ADAMTS16: variants seen among roughly 807,000 people sequenced by gnomAD.
ADAMTS16 encodes A disintegrin and metalloproteinase with thrombospondin motifs 16.
A neutral mutation model predicts 145.8 loss-of-function variants in ADAMTS16; 94 were observed. The ratio of observed to expected loss-of-function variants is 0.64; its 90% confidence interval spans 0.55 to 0.77. The LOEUF (loss-of-function observed/expected upper bound fraction) is 0.77. ADAMTS16 is among the 30% of genes least tolerant of loss of function. The pLI, the probability that ADAMTS16 is intolerant of heterozygous loss-of-function variation, is 0.00. For missense variants in ADAMTS16, 1,585 were observed against 1,591.5 expected (o/e 1.00, Z 0.07); for synonymous variants, 659 against 604.3 (o/e 1.09, Z -1.33).
rs772834569 is a variant in ADAMTS16 at position 5,209,227 on chromosome 5, G to A, written c.1586G>A (p.Cys529Tyr). ...CAGTTCGGAGAGAAAGCCAAGCTCT[G>A]CATGCTGGACTTTAAAAAGGCAAGT... ...KWQFGEKAKLCMLDFKKDICK... is the reference protein window; with the variant it reads ...KWQFGEKAKLYMLDFKKDICK... The change falls in exon 10 of 23, where the codon TGC becomes TAC. Residue 529 changes from cysteine (C) to tyrosine (Y), a missense_variant. Around this residue, in one of 3 missense-constraint regions of ADAMTS16, gnomAD observed 298 missense variants for 367.6 expected, o/e 0.81. Transcript: ENST00000274181. 13 of 1,613,842 alleles carry A rather than the reference G, an allele frequency of 8.1e-6. No homozygotes were observed. Among genetic ancestry groups the A allele is most frequent in the Non-Finnish European group, 7.6e-6 (9 of 1,179,836 alleles).
Position 5,319,305 on chromosome 5 carries a change from G to GC in ADAMTS16, c.*169dup. 1.6e-6 allele frequency: 1 copy of GC among 612,408 alleles called. No individual in the cohort carries two copies. The highest frequency in any genetic ancestry group is 2.9e-5 in the East Asian group (1 of 35,084). The allele number at this position is 612,408 out of a possible 1,614,324, so 37.9% of individuals were successfully genotyped here. On this transcript the variant is annotated 3_prime_UTR_variant, in exon 23 of 23. Transcript: ENST00000274181. ...AGTGTATGTATGTGTTTCACTGTGA[G>GC]CCTGGGTGCAGACCTGTGTCCCCAT...
intron 3 of ADAMTS16, among the ~76,000 whole-genome samples, chr5:5,165,748 C>T (rs1176365491): frequency 6.6e-6 from 1 of 152,174 alleles, no homozygotes; most frequent in East Asian, 1.9e-4. Flanking sequence ...GGAATGGAGC[C>T]ATGGGGCCGC....
At chr5:5,164,677 CT>C (rs1354871069) in intron 3 of ADAMTS16, among the ~76,000 whole-genome samples, 42 of 152,140 alleles carry the variant, frequency 2.8e-4, no homozygotes, top group African/African-American at 9.6e-4. Flanking sequence ...TTTCTTTTTC[CT>C]TTTTTTCTTT....
Position 5,232,387 on chromosome 5 carries a change from G to A in ADAMTS16, c.1721G>A (p.Cys574Tyr), listed in dbSNP as rs1736956200. The A allele has an allele frequency of 6.2e-7, 1 of 1,614,032 alleles. No individual in the cohort carries two copies. The highest frequency in any genetic ancestry group is 1.1e-5 in the South Asian group (1 of 91,074). Residue 574 changes from cysteine (C) to tyrosine (Y), a missense_variant, in exon 12 of 23, where the codon TGT becomes TAT. This residue lies in a region of ADAMTS16 where 298 missense variants were observed against 367.6 expected (regional missense o/e 0.81). Coordinates refer to ENST00000274181, the MANE Select transcript of ADAMTS16 (RefSeq NM_139056.4). ...TTTTAGTGGTGCCGGGGAGGACAGTGTGTGAAATATGGTGATGAAGGCCCC... is the reference window on the plus strand; with the variant it reads ...TTTTAGTGGTGCCGGGGAGGACAGTATGTGAAATATGGTGATGAAGGCCCC... ...GHDMWCRGGQ[C>Y]VKYGDEGPKP...
intron 3 of ADAMTS16, among the ~76,000 whole-genome samples, chr5:5,173,259 T>A (rs752550603): frequency 6.6e-6 from 1 of 151,998 alleles, no homozygotes; most frequent in African/African-American, 2.4e-5. Context: ...AATTTTATTA[T>A]TGATAAGTAA....
At chr5:5,209,518 A>G (rs1329040222) in intron 10 of ADAMTS16, among the ~76,000 whole-genome samples, 11 of 152,178 alleles carry the variant, frequency 7.2e-5, no homozygotes, top group Admixed American at 7.2e-4. Context: ...GAGCTCAGCA[A>G]TAACTTTTAG....
chr5:5,318,115 G>A lies in ADAMTS16; in HGVS notation c.3412-19G>A. The A allele has an allele frequency of 7.1e-7, 1 of 1,400,564 alleles. No individual in the cohort carries two copies. Among genetic ancestry groups the A allele is most frequent in the South Asian group, 1.7e-5 (1 of 57,188 alleles). The allele number at this position is 1,400,564 out of a possible 1,614,324, so 86.8% of individuals were successfully genotyped here. On this transcript the variant is annotated intron_variant, in intron 21 of 22. Coordinates refer to ENST00000274181, the MANE Select transcript of ADAMTS16 (RefSeq NM_139056.4). ...TGAGAGCCTGGGGCCATGGTGACATGTGTGTGTTGCTCTCACAGTGCACGG... is the reference window on the plus strand; with the variant it reads ...TGAGAGCCTGGGGCCATGGTGACATATGTGTGTTGCTCTCACAGTGCACGG...
chr5:5,218,196 G>T (rs1046131619), intron 10 of ADAMTS16, among the ~76,000 whole-genome samples: 8 of 152,182 alleles, frequency 5.3e-5, no homozygotes, highest in Non-Finnish European at 8.8e-5. Context: ...TTGGTTTTTG[G>T]CTGCTCATTT....
rs71604122 is a variant in ADAMTS16, at chr5:5,265,985, AGTGTGTGTGT to A, written c.2789+3236_2789+3245del. On this transcript the variant is annotated intron_variant, in intron 18 of 22. Transcript: ENST00000274181. ...GAAACCAGTAAATTAGACTTAAAGA[AGTGTGTGTGT>A]GTGTGTGTGTGTGTGTGTGTGTGTG... Among the ~76,000 whole-genome samples, 1,015 of 141,446 alleles carry A rather than the reference AGTGTGTGTGT, an allele frequency of 7.2e-3. 9 individuals are homozygous for A. The highest frequency in any genetic ancestry group is 0.02 in the African/African-American group (780 of 38,432). 92.8% of individuals were successfully genotyped at this position (141,446 alleles called of 152,430 possible).
At chr5:5,273,487 G>T (rs189940707) in intron 18 of ADAMTS16, among the ~76,000 whole-genome samples, 1 of 152,330 alleles carries the variant, frequency 6.6e-6, no homozygotes, top group Admixed American at 6.5e-5. Context: ...CTGCACTCCA[G>T]CCTGGGCCAC....
intron 10 of ADAMTS16, among the ~76,000 whole-genome samples, chr5:5,216,974 T>C (rs1736456620): frequency 6.6e-6 from 1 of 151,922 alleles, no homozygotes; most frequent in Non-Finnish European, 1.5e-5. Flanking sequence ...CCATGGTGTA[T>C]ATGTGCCACA....
At chr5:5,305,316 A>G in intron 20 of ADAMTS16, among the ~76,000 whole-genome samples, 1 of 40,002 alleles carries the variant, frequency 2.5e-5, no homozygotes, top group Admixed American at 2.4e-4. Flanking sequence ...ATCCCACACC[A>G]CACACACACA....
chr5:5,291,970 C>T (rs564557658), intron 18 of ADAMTS16, among the ~76,000 whole-genome samples: 1 of 152,290 alleles, frequency 6.6e-6, no homozygotes, highest in African/African-American at 2.4e-5. Flanking sequence ...TAGTATTTTG[C>T]ATGTGCTCAG....
chr5:5,196,219 C>A (rs1325037959), intron 8 of ADAMTS16, among the ~76,000 whole-genome samples: 2 of 108,964 alleles, frequency 1.8e-5, no homozygotes, highest in African/African-American at 7.6e-5. Context: ...GCCTGGGCAA[C>A]AGAGAGAGCC....
At chr5:5,265,312 G>A (rs1738195278) in intron 18 of ADAMTS16, among the ~76,000 whole-genome samples, 1 of 152,208 alleles carries the variant, frequency 6.6e-6, no homozygotes, top group Admixed American at 6.5e-5. Flanking sequence ...GATCAGCAGA[G>A]GGACTGGGCA....
chr5:5,271,230 C>G (rs1315558594), intron 18 of ADAMTS16, among the ~76,000 whole-genome samples: 1 of 152,238 alleles, frequency 6.6e-6, no homozygotes, highest in Non-Finnish European at 1.5e-5. Flanking sequence ...TCCTAAATCT[C>G]TGCAGGGGGC....
intron 3 of ADAMTS16, among the ~76,000 whole-genome samples, chr5:5,177,630 A>G (rs529545634): frequency 5.3e-5 from 8 of 152,338 alleles, no homozygotes; most frequent in African/African-American, 1.9e-4. Context: ...AGGTTATAAG[A>G]AAATAAAAAG....
At chr5:5,285,384 G>A (rs1030425192) in intron 18 of ADAMTS16, among the ~76,000 whole-genome samples, 5 of 152,188 alleles carry the variant, frequency 3.3e-5, no homozygotes, top group Non-Finnish European at 7.3e-5. Context: ...TCTGGGATGC[G>A]CCTTTAGTCT....
intron 22 of ADAMTS16, 69 bp from the exon 23 acceptor site, chr5:5,318,954 A>C: frequency 8.6e-7 from 1 of 1,167,858 alleles, no homozygotes; most frequent in Non-Finnish European, 1.3e-6. Context: ...TGCCAGACAG[A>C]GCTATTAGCT....
Sources: allele counts gnomAD v4.1 joint callset (sites outside exome capture counted in the v4.1 genomes callset), GRCh38; gene constraint gnomAD v4.1.1; regional missense constraint gnomAD v4.1.1; transcripts MANE v1.5; gene names NCBI Gene and HGNC (gene_info 2026-07-23, HGNC 2026-07-21).